Variants in FHOD3 observed in about 807,000 individuals in gnomAD.
FHOD3 encodes the protein FH1/FH2 domain-containing protein 3.
FHOD3 carries 90 observed loss-of-function variants against 173.0 expected under a neutral mutation model. The ratio of observed to expected loss-of-function variants is 0.52; its 90% CI spans 0.44 to 0.62. The LOEUF is 0.62. FHOD3 is among the 20% of genes least tolerant of loss of function. FHOD3 has a pLI of 0.00. For missense variants in FHOD3, 1,945 were observed against 2,034.7 expected, an observed-to-expected ratio of 0.96 and a Z score of 0.85; for synonymous variants, 828 against 823.0, an observed-to-expected ratio of 1.01 and a Z score of -0.10.
At chr18:36,551,435 A>G (rs1006171307) in intron 5 of FHOD3, among the ~76,000 whole-genome samples, 51 of 151,996 alleles carry the variant, frequency 3.4e-4, no homozygotes, top group African/African-American at 1.1e-3. Flanking sequence ...TTTGTGTAGA[A>G]TTGGTATTAT....
chr18:36,758,345 A>G (rs1372339735), intron 25 of FHOD3, among the ~76,000 whole-genome samples: 1 of 152,206 alleles, frequency 6.6e-6, no homozygotes, highest in Non-Finnish European at 1.5e-5. Flanking sequence ...TATGATCAAG[A>G]GATTGACATG....
intron 8 of FHOD3, among the ~76,000 whole-genome samples, chr18:36,607,726 A>G (rs1448389649): frequency 2.6e-5 from 4 of 152,046 alleles, no homozygotes; most frequent in Non-Finnish European, 4.4e-5. Flanking sequence ...AACTCCTTCA[A>G]TATTTTTCTT....
At chr18:36,591,260 C>T (rs948786935) in intron 6 of FHOD3, among the ~76,000 whole-genome samples, 3 of 152,144 alleles carry the variant, frequency 2.0e-5, no homozygotes, top group African/African-American at 4.8e-5. Flanking sequence ...AGATACTCTC[C>T]GAAGAGTTCC....
intron 2 of FHOD3, among the ~76,000 whole-genome samples, chr18:36,365,574 GA>G (rs2046859857): frequency 6.6e-6 from 1 of 152,070 alleles, no homozygotes. Flanking sequence ...TTGCATTGAT[GA>G]AAAAGTTAAA....
intron 5 of FHOD3, among the ~76,000 whole-genome samples, chr18:36,533,667 T>C (rs1599548323): frequency 6.6e-6 from 1 of 152,162 alleles, no homozygotes; most frequent in East Asian, 1.9e-4. Context: ...TCTGGAGGCC[T>C]TCTGGGAAGA....
chr18:36,695,133 G>A (rs912448077), intron 17 of FHOD3, among the ~76,000 whole-genome samples: 3 of 151,630 alleles, frequency 2.0e-5, no homozygotes, highest in Admixed American at 6.6e-5. Context: ...ACCTGAGGTC[G>A]GGAGTTCAAG....
intron 3 of FHOD3, among the ~76,000 whole-genome samples, chr18:36,483,049 T>C (rs2054014786): frequency 6.6e-6 from 1 of 152,158 alleles, no homozygotes; most frequent in Non-Finnish European, 1.5e-5. Flanking sequence ...GGAACTTCAC[T>C]TCAAATGCAG....
intron 14 of FHOD3, among the ~76,000 whole-genome samples, chr18:36,675,729 C>T (rs1439873549): frequency 1.3e-5 from 2 of 152,226 alleles, no homozygotes; most frequent in Admixed American, 6.5e-5. Context: ...ATTATTCTGA[C>T]TTCATGCATC....
At chr18:36,301,868 T>A (rs2091963507) in intron 1 of FHOD3, among the ~76,000 whole-genome samples, 1 of 152,250 alleles carries the variant, frequency 6.6e-6, no homozygotes, top group African/African-American at 2.4e-5. Context: ...CAATTATTAC[T>A]TAATGATTTA....
intron 5 of FHOD3, among the ~76,000 whole-genome samples, chr18:36,573,645 T>C (rs1055610277): frequency 2.0e-5 from 3 of 152,098 alleles, no homozygotes; most frequent in Non-Finnish European, 4.4e-5. Context: ...TGATGTTGCT[T>C]TTTACTTATT....
chr18:36,482,894 G>A (rs1315691658), intron 3 of FHOD3, among the ~76,000 whole-genome samples: 1 of 139,038 alleles, frequency 7.2e-6, no homozygotes, highest in African/African-American at 2.7e-5. Flanking sequence ...GAGAGAGAGA[G>A]AACGAGAACA....
At chr18:36,748,352 A>G (rs2042240170) in intron 24 of FHOD3, among the ~76,000 whole-genome samples, 1 of 149,430 alleles carries the variant, frequency 6.7e-6, no homozygotes, top group Admixed American at 6.8e-5. Flanking sequence ...CCCATTTAAA[A>G]TACACGCACG....
chr18:36,596,317 G>A (rs1156579840), intron 7 of FHOD3, among the ~76,000 whole-genome samples: 2 of 111,620 alleles, frequency 1.8e-5, no homozygotes, highest in Non-Finnish European at 3.6e-5. Flanking sequence ...ACCATGCCCA[G>A]CTAATTTTTT....
At position 36,758,980 on chromosome 18, in the gene FHOD3, G is replaced by C. The variant is rs945474602; in HGVS notation, c.4426-138G>C. 5 of 902,030 alleles carry C rather than the reference G, an allele frequency of 5.5e-6. No homozygotes were observed. The Admixed American group carries it at 6.1e-5, about 11-fold the overall frequency. The allele number at this position is 902,030 out of a possible 1,614,324, so 55.9% of individuals were successfully genotyped here. The stretch of plus-strand genomic sequence containing the variant: ...GGCCTGGCAGCTCCCAACTCAAGAG[G>C]ATGTATCCTGGTTGTGGTGACCAGT... On this transcript the variant is annotated intron_variant, in intron 25 of 28. Coordinates refer to ENST00000590592, the MANE Select transcript of FHOD3 (RefSeq NM_001281740.3).
intron 27 of FHOD3, among the ~76,000 whole-genome samples, chr18:36,761,474 T>A (rs2042875128): frequency 6.6e-6 from 1 of 152,178 alleles, no homozygotes; most frequent in South Asian, 2.1e-4. Flanking sequence ...GTATTCACAC[T>A]GTTCTTGGAG....
intron 10 of FHOD3, among the ~76,000 whole-genome samples, chr18:36,627,971 G>C (rs1453160132): frequency 1.3e-5 from 2 of 152,136 alleles, no homozygotes; most frequent in African/African-American, 4.8e-5. Flanking sequence ...CGCACCTAAC[G>C]CTAGCTTATA....
chr18:36,342,075 TACAA>T (rs2045651576), intron 1 of FHOD3, among the ~76,000 whole-genome samples: 1 of 151,886 alleles, frequency 6.6e-6, no homozygotes. Context: ...AAATGACAAA[TACAA>T]AAAAAGTATG....
At chr18:36,369,003 A>T (rs1203991425) in intron 2 of FHOD3, among the ~76,000 whole-genome samples, 1 of 152,182 alleles carries the variant, frequency 6.6e-6, no homozygotes, top group African/African-American at 2.4e-5. Flanking sequence ...TTTTCTGAAT[A>T]CTAAATCTGT....
At chr18:36,759,561 G>C (rs2042780443) in intron 26 of FHOD3, among the ~76,000 whole-genome samples, 1 of 152,236 alleles carries the variant, frequency 6.6e-6, no homozygotes, top group African/African-American at 2.4e-5. Context: ...TAGAGTCTCT[G>C]TCCCCAGCCA....
Sources: gnomAD v4.1 joint callset for allele counts (sites outside exome capture counted in the v4.1 genomes callset) on GRCh38, gnomAD v4.1.1 for gene constraint, MANE v1.5 for transcripts, NCBI Gene and HGNC (gene_info 2026-07-23, HGNC 2026-07-21) for gene names.